Variants in VAMP3 observed in about 807,000 individuals in gnomAD.
The protein encoded by VAMP3 is vesicle associated membrane protein 3, also known as vesicle-associated membrane protein 3.
VAMP3 carries 11 observed loss-of-function variants against 18.1 expected under a neutral mutation model. The observed-to-expected ratio is 0.61, with a 90% CI of 0.38 to 1.00. VAMP3 has a LOEUF of 1.00. VAMP3 is among the 50% of genes least tolerant of loss of function. The pLI is 0.01. For missense variants in VAMP3, 122 were observed against 127.3 expected (o/e 0.96, Z 0.20); for synonymous variants, 49 against 43.1 (o/e 1.14, Z -0.53).
chr1:7,779,511 C>T lies in VAMP3; in HGVS notation c.284-115C>T, dbSNP rs185217854. On this transcript the variant is annotated intron_variant, in intron 4 of 4. Coordinates refer to ENST00000054666, the MANE Select transcript of VAMP3 (RefSeq NM_004781.4). ...AGAGAAGCCAGTAGTAGGAAATCAG[C>T]CCAGTCTAATTTCTGATCACATTTA... is the stretch of plus-strand genomic sequence containing the variant. 4.3e-4 allele frequency: 621 copies of T among 1,428,462 alleles called. 1 individual carries two copies. The highest frequency in any genetic ancestry group is 7.6e-4 in the South Asian group (64 of 83,832). The allele number at this position is 1,428,462 out of a possible 1,614,324, so 88.5% of individuals were successfully genotyped here.
intron 2 of VAMP3, 140 bp downstream of exon 2, chr1:7,773,651 G>T (rs753549567): frequency 3.7e-6 from 3 of 820,886 alleles, no homozygotes; most frequent in Non-Finnish European, 5.8e-6. Flanking sequence ...TTTGCTCCCT[G>T]CTGTGCTGGA....
rs961419236 is a variant in VAMP3 at position 7,779,825 on chromosome 1, G to A, written c.*180G>A. The A allele has an allele frequency of 1.6e-5, 12 of 734,006 alleles. No individual in the cohort carries two copies. The highest frequency in any genetic ancestry group is 7.1e-5 in the African/African-American group (4 of 56,014). The allele number at this position is 734,006 out of a possible 1,614,324, so 45.5% of individuals were successfully genotyped here. ...AATATGCACTCCAAATTAGAAGGCC[G>A]GCCCCGTCCACATTTTGCACAGTGC... On this transcript the variant is annotated 3_prime_UTR_variant, in exon 5 of 5. Transcript: ENST00000054666.
intron 1 of VAMP3, among the ~76,000 whole-genome samples, chr1:7,772,332 A>T (rs2097051543): frequency 6.6e-6 from 1 of 152,238 alleles, no homozygotes; most frequent in Admixed American, 6.5e-5. Context: ...GGTCATTGAC[A>T]CATGACAGAT....
In VAMP3 at chr1:7,771,351, C is replaced by G. The variant is rs768115099; in HGVS notation, c.-33C>G. ...AACTTCGCTTCTCTGCTGACCCTCT[C>G]TCGTCGCCGCTGCCGCCGCCGCAGC... On this transcript the variant is annotated 5_prime_UTR_variant, in exon 1 of 5. Coordinates refer to ENST00000054666, the MANE Select transcript of VAMP3 (RefSeq NM_004781.4). 1.3e-6 allele frequency: 2 copies of G among 1,592,972 alleles called. No individual in the cohort carries two copies. The highest frequency in any genetic ancestry group is 1.4e-5 in the African/African-American group (1 of 72,672).
In VAMP3 at chr1:7,778,139, G is replaced by C; in HGVS notation, c.253G>C (p.Val85Leu). The C allele has an allele frequency of 6.2e-7, 1 of 1,614,148 alleles. No homozygotes were observed. The highest frequency in any genetic ancestry group is 8.5e-7 in the Non-Finnish European group (1 of 1,180,034). The change falls in exon 4 of 5, where the codon GTT becomes CTT. Residue 85 changes from valine to leucine, a missense_variant. Transcript: ENST00000054666. ...ACAGATGTGGGCAATCGGGATTACT[G>C]TTCTGGTTATCTTCATCATCATCAT... The part of the protein sequence containing the change: ...NCKMWAIGIT[V>L]LVIFIIIIIV...
intron 1 of VAMP3, among the ~76,000 whole-genome samples, chr1:7,772,088 CTAGAGCCA>C: frequency 6.6e-6 from 1 of 152,324 alleles, no homozygotes; most frequent in South Asian, 2.1e-4. Context: ...TGGTTAAGAT[CTAGAGCCA>C]AGGTACACAG....
At chr1:7,777,350 A>AC in intron 3 of VAMP3, 32 bp downstream of exon 3, 4 of 1,580,392 alleles carry the variant, frequency 2.5e-6, no homozygotes, top group East Asian at 2.3e-5. Context: ...TTTACATTTA[A>AC]CCCCCCTTCT....
intron 1 of VAMP3, 135 bp downstream of exon 1, chr1:7,771,520 G>A (rs1468055784): frequency 8.5e-7 from 1 of 1,171,550 alleles, no homozygotes; most frequent in African/African-American, 1.6e-5. Context: ...CCGAGGCCTG[G>A]GGGTGGGCGG....
At chr1:7,778,457 C>A (rs1183020832) in intron 4 of VAMP3, among the ~76,000 whole-genome samples, 1 of 151,958 alleles carries the variant, frequency 6.6e-6, no homozygotes, top group African/African-American at 2.4e-5. Flanking sequence ...TTGCTTGAGC[C>A]CAGGAATTCA....
chr1:7,773,762 A>G (rs540507345), intron 2 of VAMP3, among the ~76,000 whole-genome samples: 35 of 152,362 alleles, frequency 2.3e-4, no homozygotes, highest in African/African-American at 8.2e-4. Flanking sequence ...ATAAAAAATC[A>G]TATGCCTAAA....
At chr1:7,776,738 A>C in intron 2 of VAMP3, 1 of 153,450 alleles carries the variant, frequency 6.5e-6, no homozygotes. Flanking sequence ...CTAAAGTGAA[A>C]GTTTGGCTCA....
intron 2 of VAMP3, chr1:7,776,841 C>CT: frequency 5.5e-6 from 1 of 180,470 alleles, no homozygotes; most frequent in Non-Finnish European, 1.2e-5. Flanking sequence ...GAGTCTCACT[C>CT]TGTCACCCAG....
chr1:7,775,034 T>A (rs1410913022), intron 2 of VAMP3, among the ~76,000 whole-genome samples: 1 of 152,204 alleles, frequency 6.6e-6, no homozygotes, highest in Non-Finnish European at 1.5e-5. Flanking sequence ...TGTCCAAGAG[T>A]TCCTGTTTCT....
At chr1:7,771,414 T>C (rs774269195) in intron 1 of VAMP3, 29 bp downstream of exon 1, 2 of 1,557,168 alleles carry the variant, frequency 1.3e-6, no homozygotes, top group Non-Finnish European at 1.7e-6. Context: ...CGCGGGCGGC[T>C]TCGGGCCCCG....
intron 1 of VAMP3, 83 bp from the exon 2 acceptor site, chr1:7,773,359 G>A: frequency 9.2e-7 from 1 of 1,087,130 alleles, no homozygotes; most frequent in Non-Finnish European, 1.4e-6. Flanking sequence ...TTAACAGTGA[G>A]AGTCCCGGAG....
At position 7,771,347 on chromosome 1, in the gene VAMP3, C is replaced by T; in HGVS notation, c.-37C>T. ...TCCCAACTTCGCTTCTCTGCTGACC[C>T]TCTCTCGTCGCCGCTGCCGCCGCCG... On this transcript the variant is annotated 5_prime_UTR_variant, in exon 1 of 5. Coordinates refer to ENST00000054666, the MANE Select transcript of VAMP3 (RefSeq NM_004781.4). 2 of 1,593,442 alleles carry T rather than the reference C, an allele frequency of 1.3e-6. No homozygotes were observed. The highest frequency in any genetic ancestry group is 1.7e-6 in the Non-Finnish European group (2 of 1,172,594).
rs1193989012 is a variant in VAMP3, at chr1:7,771,388, G to A, written c.2+3G>A. The stretch of plus-strand genomic sequence containing the variant: ...GCCGCCGCCGCAGCTGCCAAAATGT[G>A]AGTGACGCTACGCGACGCGGGCGGC... On this transcript the variant is annotated splice_donor_region_variant and intron_variant, in intron 1 of 4. Coordinates refer to ENST00000054666, the MANE Select transcript of VAMP3 (RefSeq NM_004781.4). 1 of 1,588,878 alleles carries A rather than the reference G, an allele frequency of 6.3e-7. No individual in the cohort carries two copies. Among genetic ancestry groups the A allele is most frequent in the African/African-American group, 1.4e-5 (1 of 72,182 alleles).
At chr1:7,778,616 G>A (rs1203945144) in intron 4 of VAMP3, among the ~76,000 whole-genome samples, 1 of 151,874 alleles carries the variant, frequency 6.6e-6, no homozygotes, top group Non-Finnish European at 1.5e-5. Flanking sequence ...TTTTGTATAA[G>A]TCTGAGATTT....
chr1:7,779,983 C>A lies in VAMP3; in HGVS notation c.*338C>A. 1 of 250,582 alleles carries A rather than the reference C, an allele frequency of 4.0e-6. No individual in the cohort carries two copies. The highest frequency in any genetic ancestry group is 1.3e-3 in the Middle Eastern group (1 of 770). 15.5% of individuals were successfully genotyped at this position (250,582 alleles called of 1,614,324 possible). A position where few individuals can be genotyped will look rare whatever the true frequency, so the allele number is the denominator to read the frequency against. ...TACCCTTGTCATTTGGCATTATTTT[C>A]AGAACCACATTTTAAACCTTTGGGT... On this transcript the variant is annotated 3_prime_UTR_variant, in exon 5 of 5. Transcript: ENST00000054666.
Sources: gnomAD v4.1 joint callset for allele counts (sites outside exome capture counted in the v4.1 genomes callset) on GRCh38, gnomAD v4.1.1 for gene constraint, MANE v1.5 for transcripts, NCBI Gene and HGNC (gene_info 2026-07-23, HGNC 2026-07-21) for gene names.